Variants in CNTNAP3B observed in about 807,000 individuals in gnomAD.
The protein encoded by CNTNAP3B is contactin associated protein family member 3B, also known as contactin-associated protein-like 3B.
Under a neutral mutation model 108.9 loss-of-function variants are expected in CNTNAP3B, and 25 were observed. That is an observed-to-expected ratio of 0.23 (90% CI 0.17 to 0.32). The LOEUF (loss-of-function observed/expected upper bound fraction) is 0.32, where lower values mean the gene tolerates loss of function less well. Among genes scored for constraint, CNTNAP3B ranks in the 10% least tolerant of loss-of-function variants. CNTNAP3B has a pLI of 1.00. For synonymous variants in CNTNAP3B, 103 were observed against 473.4 expected, an observed-to-expected ratio of 0.22 and a Z score of 10.16; for missense variants, 252 against 1,210.4, an observed-to-expected ratio of 0.21 and a Z score of 11.75.
At chr9:41,967,583 T>C (rs1358732039) in intron 10 of CNTNAP3B, among the ~76,000 whole-genome samples, 2 of 152,306 alleles carry the variant, frequency 1.3e-5, no homozygotes, top group Admixed American at 6.5e-5. Flanking sequence ...TGATAGATGC[T>C]TACAGGCCTG....
Position 42,030,854 on chromosome 9 carries a change from C to T in CNTNAP3B, c.391-17329G>A, listed in dbSNP as rs1826512967. Among the ~76,000 whole-genome samples, 3 of 60,556 alleles carry T rather than the reference C, an allele frequency of 5.0e-5. No individual in the cohort carries two copies. In the South Asian group the frequency reaches 1.5e-3, roughly 30 times the overall value. The allele number at this position is 60,556 out of a possible 152,430, so 39.7% of individuals were successfully genotyped here. ...AGAGAGAGAGAGAGAGAGATGTGTG[C>T]TATGATTTAGGGTCTGTATTAGGAC... On this transcript the variant is annotated intron_variant, in intron 3 of 23. Transcript: ENST00000377561.
At chr9:41,967,317 C>G (rs7028392) in intron 10 of CNTNAP3B, among the ~76,000 whole-genome samples, 1 of 151,962 alleles carries the variant, frequency 6.6e-6, no homozygotes, top group African/African-American at 2.4e-5. Context: ...ATAAGTCTCA[C>G]GAGATCTGAT....
chr9:42,030,725 C>T (rs1393523467), intron 3 of CNTNAP3B, among the ~76,000 whole-genome samples: 9 of 77,104 alleles, frequency 1.2e-4, no homozygotes, highest in Admixed American at 2.9e-4. Flanking sequence ...CTCTCCTGCC[C>T]GGAGAAGGGA....
chr9:42,111,465 C>T (rs1306611630), intron 1 of CNTNAP3B, among the ~76,000 whole-genome samples: 1 of 138,388 alleles, frequency 7.2e-6, no homozygotes, highest in African/African-American at 2.9e-5. Context: ...AGTCACGCTC[C>T]TAAGCTGGTA....
intron 15 of CNTNAP3B, among the ~76,000 whole-genome samples, chr9:41,924,781 T>G (rs1437283458): frequency 6.6e-6 from 1 of 152,250 alleles, no homozygotes; most frequent in African/African-American, 2.4e-5. Flanking sequence ...GGACTGCACA[T>G]CACATGTATT....
chr9:41,944,290 G>T (rs1824455899), intron 13 of CNTNAP3B, among the ~76,000 whole-genome samples: 1 of 148,210 alleles, frequency 6.7e-6, no homozygotes, highest in Non-Finnish European at 1.5e-5. Context: ...ATAAAATCTA[G>T]TGTCTTCTTC....
At position 42,125,369 on chromosome 9, in the gene CNTNAP3B, GC is replaced by G. The variant is rs369253237; in HGVS notation, c.85+3640del. 7.1e-5 allele frequency among the ~76,000 whole-genome samples: 10 copies of G among 141,486 alleles called. No homozygotes were observed. The South Asian group carries it at 2.0e-3, about 29-fold the overall frequency. 92.8% of individuals were successfully genotyped at this position (141,486 alleles called of 152,430 possible). On this transcript the variant is annotated intron_variant, in intron 1 of 23. Coordinates refer to ENST00000377561, the MANE Select transcript of CNTNAP3B (RefSeq NM_001201380.3). ...CCTGTCTCTCCAGGTCCCCACCCTTGCTATACTGTGGATGCTTTCCTTACCC... is the reference window on the plus strand; with the variant it reads ...CCTGTCTCTCCAGGTCCCCACCCTTGTATACTGTGGATGCTTTCCTTACCC...
chr9:41,979,057 G>A (rs1372048184), intron 9 of CNTNAP3B, among the ~76,000 whole-genome samples: 1 of 138,326 alleles, frequency 7.2e-6, no homozygotes, highest in Non-Finnish European at 1.5e-5. Flanking sequence ...GAGGAACCCA[G>A]TAAACAGCCC....
intron 14 of CNTNAP3B, among the ~76,000 whole-genome samples, chr9:41,935,391 T>C (rs1224944414): frequency 6.6e-6 from 1 of 152,296 alleles, no homozygotes; most frequent in Non-Finnish European, 1.5e-5. Flanking sequence ...CATTCCCAAA[T>C]ACTATTTTTA....
chr9:42,103,198 C>T (rs1393482734), intron 2 of CNTNAP3B, among the ~76,000 whole-genome samples: 1 of 140,420 alleles, frequency 7.1e-6, no homozygotes, highest in East Asian at 2.1e-4. Context: ...CACTGAGGCT[C>T]TGCAGCAATA....
At chr9:42,018,649 C>A (rs946946628) in intron 3 of CNTNAP3B, among the ~76,000 whole-genome samples, 15 of 151,670 alleles carry the variant, frequency 9.9e-5, no homozygotes, top group African/African-American at 3.4e-4. Flanking sequence ...GAGGCCACGG[C>A]TCCAGCAGGA....
intron 7 of CNTNAP3B, chr9:41,993,998 G>C (rs570852404): frequency 2.1e-4 from 30 of 142,706 alleles, no homozygotes; most frequent in African/African-American, 8.1e-4. Flanking sequence ...CAGCTTAACT[G>C]TGGTTCTCCT....
In CNTNAP3B at chr9:42,107,703, C is replaced by T. The variant is rs138904201; in HGVS notation, c.86-2964G>A. On this transcript the variant is annotated intron_variant, in intron 1 of 23. Coordinates refer to ENST00000377561, the MANE Select transcript of CNTNAP3B (RefSeq NM_001201380.3). ...TTCAGAAAGGCAATAAATTCGGGCG[C>T]GGTGGCTCACACCTGTAATCCCAAC... is the stretch of plus-strand genomic sequence containing the variant. 1.5e-4 allele frequency among the ~76,000 whole-genome samples: 21 copies of T among 137,990 alleles called. 1 individual carries two copies. The East Asian group carries it at 3.8e-3, about 25-fold the overall frequency. The allele number at this position is 137,990 out of a possible 152,430, so 90.5% of individuals were successfully genotyped here.
chr9:41,999,652 T>C (rs1825962932), intron 4 of CNTNAP3B, among the ~76,000 whole-genome samples: 1 of 81,318 alleles, frequency 1.2e-5, no homozygotes, highest in Non-Finnish European at 2.3e-5. Flanking sequence ...CTTGGATGCT[T>C]TGTTGAGAGA....
chr9:41,948,350 C>T (rs1459883329), intron 13 of CNTNAP3B, among the ~76,000 whole-genome samples: 3 of 152,186 alleles, frequency 2.0e-5, no homozygotes, highest in Middle Eastern at 3.2e-3. Context: ...CCTCAGCCTC[C>T]CAAAGTGCTG....
intron 10 of CNTNAP3B, 27 bp downstream of exon 10, chr9:41,970,047 G>T: frequency 8.5e-7 from 1 of 1,179,102 alleles, no homozygotes; most frequent in Non-Finnish European, 1.1e-6. Flanking sequence ...AAACAGGCAA[G>T]CTAAAGTGAC....
chr9:41,958,705 AAAAAC>A (rs71286797), intron 12 of CNTNAP3B, among the ~76,000 whole-genome samples: 263 of 144,416 alleles, frequency 1.8e-3, no homozygotes, highest in African/African-American at 5.5e-3. Context: ...TCTGAAAACA[AAAAAC>A]AAAACAAAAC....
At chr9:41,932,381 G>A (rs1212923768) in intron 14 of CNTNAP3B, among the ~76,000 whole-genome samples, 1 of 151,938 alleles carries the variant, frequency 6.6e-6, no homozygotes, top group East Asian at 1.9e-4. Flanking sequence ...TTCCTAGGAA[G>A]TGTGAAAACT....
rs1824074196 is a variant in CNTNAP3B at position 41,934,124 on chromosome 9, C to CACATATATATATATATATATATAT, written c.2237+4119_2237+4120insATATATATATATATATATATATGT. On this transcript the variant is annotated intron_variant, in intron 14 of 23. Transcript: ENST00000377561. ...ACATATATATATATATATATATATA[C>CACATATATATATATATATATATAT]ACACACATATATATATACACACACA... 2.8e-5 allele frequency among the ~76,000 whole-genome samples: 3 copies of CACATATATATATATATATATATAT among 105,670 alleles called. 1 individual carries two copies. Among genetic ancestry groups the CACATATATATATATATATATATAT allele is most frequent in the African/African-American group, 1.2e-4 (3 of 24,482 alleles). 69.3% of individuals were successfully genotyped at this position (105,670 alleles called of 152,430 possible). A position where few individuals can be genotyped will look rare whatever the true frequency, so the allele number is the denominator to read the frequency against.
Sources: allele counts gnomAD v4.1 joint callset (sites outside exome capture counted in the v4.1 genomes callset), GRCh38; gene constraint gnomAD v4.1.1; transcripts MANE v1.5; gene names NCBI Gene and HGNC (gene_info 2026-07-23, HGNC 2026-07-21).